MME: variants seen among roughly 807,000 people sequenced by gnomAD.
MME encodes neprilysin.
A neutral mutation model predicts 113.2 loss-of-function variants in MME; 98 were observed. That is an observed-to-expected ratio of 0.87 (90% CI 0.74 to 1.02). The LOEUF (loss-of-function observed/expected upper bound fraction) is 1.02. Among genes scored for constraint, MME ranks in the 50% least tolerant of loss-of-function variants. The pLI, the probability that MME is intolerant of heterozygous loss-of-function variation, is 0.00. For synonymous variants in MME, 292 were observed against 300.6 expected, an observed-to-expected ratio of 0.97 and a Z score of 0.30; for missense variants, 836 against 896.0, an observed-to-expected ratio of 0.93 and a Z score of 0.86.
chr3:155,162,920 C>G (rs113389730), intron 17 of MME, among the ~76,000 whole-genome samples: 1 of 147,020 alleles, frequency 6.8e-6, no homozygotes, highest in African/African-American at 2.5e-5. Flanking sequence ...GGCTGAGGCA[C>G]GAGAATCGCT....
At chr3:155,079,474 G>T (rs1167747207), upstream of MME, among the ~76,000 whole-genome samples, 1 of 152,098 alleles carries the variant, frequency 6.6e-6, no homozygotes, top group Non-Finnish European at 1.5e-5. Context: ...ATGGGGGGTG[G>T]GGAGGATGGG....
intron 1 of MME, among the ~76,000 whole-genome samples, chr3:155,030,844 C>T (rs1234035452): frequency 6.6e-6 from 1 of 152,128 alleles, no homozygotes; most frequent in Admixed American, 6.5e-5. Context: ...GCCTTGTATG[C>T]CCCACAGATG....
At chr3:155,128,598 C>A (rs1243232206) in intron 8 of MME, among the ~76,000 whole-genome samples, 1 of 151,016 alleles carries the variant, frequency 6.6e-6, no homozygotes, top group African/African-American at 2.4e-5. Flanking sequence ...AACTTGCCCC[C>A]CACACACACC....
intron 1 of MME, among the ~76,000 whole-genome samples, chr3:155,053,467 C>T (rs1171307718): frequency 1.3e-5 from 2 of 152,160 alleles, no homozygotes; most frequent in Non-Finnish European, 2.9e-5. Flanking sequence ...GGAGAAGCCC[C>T]TTATAAAACC....
chr3:155,172,310 A>C, intron 21 of MME, 98 bp downstream of exon 21: 1 of 888,502 alleles, frequency 1.1e-6, no homozygotes, highest in Non-Finnish European at 1.9e-6. Context: ...TGTTTTACAG[A>C]GCATTTGACT....
intron 1 of MME, among the ~76,000 whole-genome samples, chr3:155,051,475 G>A (rs1446336632): frequency 1.3e-5 from 2 of 152,172 alleles, no homozygotes; most frequent in Non-Finnish European, 2.9e-5. Context: ...CGTGGCAAAG[G>A]AGGCCTCAAG....
At chr3:155,076,421 G>A (rs931682812), upstream of MME, among the ~76,000 whole-genome samples, 1 of 152,118 alleles carries the variant, frequency 6.6e-6, no homozygotes, top group African/African-American at 2.4e-5. Flanking sequence ...GCTCTAGGTC[G>A]CTTAAGTCCA....
chr3:155,047,085 C>T (rs1713583366), intron 1 of MME, among the ~76,000 whole-genome samples: 1 of 152,178 alleles, frequency 6.6e-6, no homozygotes, highest in African/African-American at 2.4e-5. Context: ...TAGGCCTTCA[C>T]ATTCACTCAC....
At chr3:155,061,218 C>G (rs1177407383) in intron 1 of MME, among the ~76,000 whole-genome samples, 1 of 151,986 alleles carries the variant, frequency 6.6e-6, no homozygotes, top group African/African-American at 2.4e-5. Flanking sequence ...TTTGGGAGGC[C>G]GAGGTGGGCA....
chr3:155,062,710 A>G (rs896111339), intron 1 of MME, among the ~76,000 whole-genome samples: 2 of 152,130 alleles, frequency 1.3e-5, no homozygotes, highest in Non-Finnish European at 2.9e-5. Flanking sequence ...TTATGTTCTG[A>G]GACATAAAAG....
At position 155,147,141 on chromosome 3, in the gene MME, T is replaced by A. The variant is rs747719581; in HGVS notation, c.1417-3T>A. The stretch of plus-strand genomic sequence containing the variant: ...TTCACATTCAATATTATAATTTTCA[T>A]AGGCCTTAGCAATTAAAGAAAGGAT... On this transcript the variant is annotated splice_polypyrimidine_tract_variant and splice_region_variant and intron_variant, in intron 14 of 22. Coordinates refer to ENST00000360490, the MANE Select transcript of MME (RefSeq NM_007289.4). 3 of 1,580,114 alleles carry A rather than the reference T, an allele frequency of 1.9e-6. No homozygotes were observed. Among genetic ancestry groups the A allele is most frequent in the Non-Finnish European group, 2.6e-6 (3 of 1,149,362 alleles).
intron 1 of MME, among the ~76,000 whole-genome samples, chr3:155,041,775 G>A (rs1410929452): frequency 6.6e-6 from 1 of 152,150 alleles, no homozygotes; most frequent in African/African-American, 2.4e-5. Context: ...TAAAGAGCTA[G>A]AGTGGAGAGA....
chr3:155,180,384 T>C lies in MME; in HGVS notation c.2178T>C (p.Ser726=). ...NFRIIGTLQN[S]AEFSEAFHCR... Reference sequence around the variant, plus strand: ...GGATTATTGGGACTTTGCAGAACTCTGCAGAGTTTTCAGAAGCCTTTCACT... The same window carrying C: ...GGATTATTGGGACTTTGCAGAACTCCGCAGAGTTTTCAGAAGCCTTTCACT... Residue 726 remains serine, a synonymous_variant, in exon 23 of 23, where the codon TCT becomes TCC. Coordinates refer to ENST00000360490, the MANE Select transcript of MME (RefSeq NM_007289.4). 4.3e-6 allele frequency: 7 copies of C among 1,613,698 alleles called. No individual in the cohort carries two copies. In the South Asian group the frequency reaches 6.6e-5, roughly 15 times the overall value.
chr3:155,026,162 T>A (rs1278044616), intron 1 of MME, among the ~76,000 whole-genome samples: 1 of 150,922 alleles, frequency 6.6e-6, no homozygotes, highest in Non-Finnish European at 1.5e-5. Flanking sequence ...CAAACAGGAT[T>A]GAATGCTTAG....
chr3:155,142,689 C>T (rs1182395613), intron 12 of MME, among the ~76,000 whole-genome samples: 1 of 152,134 alleles, frequency 6.6e-6, no homozygotes, highest in Non-Finnish European at 1.5e-5. Context: ...TCATTGCACA[C>T]TGGACATATA....
intron 8 of MME, among the ~76,000 whole-genome samples, chr3:155,124,221 G>A (rs948189585): frequency 1.3e-5 from 2 of 151,644 alleles, no homozygotes; most frequent in Non-Finnish European, 1.5e-5. Flanking sequence ...CAGCTCCTGA[G>A]GCTTCTGCAT....
At chr3:155,071,830 C>T (rs185097756) in intron 1 of MME, among the ~76,000 whole-genome samples, 1 of 152,148 alleles carries the variant, frequency 6.6e-6, no homozygotes, top group African/African-American at 2.4e-5. Flanking sequence ...TCTCCAATTG[C>T]CTTAGATCAC....
intron 9 of MME, among the ~76,000 whole-genome samples, chr3:155,138,670 C>T (rs760153919): frequency 1.3e-5 from 2 of 152,182 alleles, no homozygotes; most frequent in Non-Finnish European, 2.9e-5. Context: ...AACCCCTGAA[C>T]ATAGCCATGT....
intron 20 of MME, among the ~76,000 whole-genome samples, chr3:155,169,549 G>A (rs1711677395): frequency 6.6e-6 from 1 of 152,112 alleles, no homozygotes; most frequent in Admixed American, 6.6e-5. Flanking sequence ...AGAAAAAGCA[G>A]GGAATTTCAT....
Sources: allele counts gnomAD v4.1 joint callset (sites outside exome capture counted in the v4.1 genomes callset), GRCh38; gene constraint gnomAD v4.1.1; transcripts MANE v1.5; gene names NCBI Gene and HGNC (gene_info 2026-07-23, HGNC 2026-07-21).